The following DPH5 variants were observed in gnomAD, a reference collection of about 807,000 sequenced individuals.
DPH5 encodes diphthamide biosynthesis 5.
In DPH5, 31 loss-of-function variants were observed where a neutral mutation model predicts 31.6. The observed-to-expected ratio is 0.98, with a 90% CI of 0.74 to 1.32. The LOEUF (loss-of-function observed/expected upper bound fraction) is 1.32, where lower values mean the gene tolerates loss of function less well. Ranked by LOEUF, DPH5 falls within the 40% of genes most tolerant of loss-of-function variation. The pLI is 0.00. For missense variants in DPH5, 309 were observed against 335.7 expected (o/e 0.92, Z 0.62); for synonymous variants, 120 against 115.0 (o/e 1.04, Z -0.28).
intron 3 of DPH5, among the ~76,000 whole-genome samples, chr1:101,020,220 A>C (rs911435620): frequency 1.3e-5 from 2 of 151,980 alleles, no homozygotes; most frequent in African/African-American, 4.8e-5. Context: ...CATCTGTTGA[A>C]CCCTATCCAG....
At chr1:101,001,435 T>C (rs752350231) in intron 5 of DPH5, 32 bp downstream of exon 5, 1 of 1,598,672 alleles carries the variant, frequency 6.3e-7, no homozygotes, top group Non-Finnish European at 8.5e-7. Flanking sequence ...TAGTTCCATA[T>C]TGTTACTTCA....
intron 6 of DPH5, 64 bp downstream of exon 6, chr1:100,995,046 T>C: frequency 8.6e-7 from 1 of 1,159,432 alleles, no homozygotes. Flanking sequence ...GTCATTTAAG[T>C]AGAATGTATT....
intron 5 of DPH5, among the ~76,000 whole-genome samples, chr1:100,998,495 T>C (rs1558036006): frequency 3.1e-5 from 4 of 128,464 alleles, no homozygotes; most frequent in Admixed American, 8.8e-5. Flanking sequence ...GATGACAGGG[T>C]AAACCTTATC....
chr1:101,013,535 C>T (rs778396124), intron 4 of DPH5, 175 bp downstream of exon 4: 8 of 421,910 alleles, frequency 1.9e-5, no homozygotes, highest in Non-Finnish European at 3.3e-5. Flanking sequence ...AGGGGGAAAA[C>T]CTAGCATAAA....
chr1:101,004,318 T>C (rs1659069806), intron 4 of DPH5, among the ~76,000 whole-genome samples: 1 of 152,202 alleles, frequency 6.6e-6, no homozygotes, highest in African/African-American at 2.4e-5. Context: ...TGAACTATAC[T>C]AGAGCAAAGT....
chr1:100,993,826 C>G (rs1226228112), intron 6 of DPH5, among the ~76,000 whole-genome samples: 1 of 151,590 alleles, frequency 6.6e-6, no homozygotes, highest in East Asian at 1.9e-4. Context: ...ACTGCAACCT[C>G]TGCCTCCTGG....
rs567802902 is a variant in DPH5 at position 101,010,944 on chromosome 1, A to G, written c.369+2766T>C. Among the ~76,000 whole-genome samples, 67 of 152,360 alleles carry G rather than the reference A, an allele frequency of 4.4e-4. 1 individual carries two copies. In the South Asian group the frequency reaches 0.013, roughly 31 times the overall value. On this transcript the variant is annotated intron_variant, in intron 4 of 7. Transcript: ENST00000370109. ...TATCACCTGAGACTTTGTTACAAAT[A>G]CAAATTCTCAGACCCCATCCCAGAT...
At position 100,990,283 on chromosome 1, in the gene DPH5, C is replaced by A. The variant is rs1223506703; in HGVS notation, c.*125G>T. On this transcript the variant is annotated 3_prime_UTR_variant, in exon 8 of 8. Coordinates refer to ENST00000370109, the MANE Select transcript of DPH5 (RefSeq NM_015958.3). ...GGAAACTGCCCCCATGATTCAATTA[C>A]CTACCACAACACCTGGGAATTATGA... The A allele has an allele frequency of 1.2e-6, 1 of 850,384 alleles. No homozygotes were observed. Among genetic ancestry groups the A allele is most frequent in the African/African-American group, 1.7e-5 (1 of 59,370 alleles). The allele number at this position is 850,384 out of a possible 1,614,324, so 52.7% of individuals were successfully genotyped here.
chr1:100,996,617 A>G (rs1301517024), intron 5 of DPH5, among the ~76,000 whole-genome samples: 1 of 152,168 alleles, frequency 6.6e-6, no homozygotes, highest in African/African-American at 2.4e-5. Flanking sequence ...AATTTACTCA[A>G]GTGACTCTCC....
chr1:101,013,762 C>G lies in DPH5; in HGVS notation c.317G>C (p.Arg106Thr). The G allele has an allele frequency of 6.2e-7, 1 of 1,613,290 alleles. No homozygotes were observed. Among genetic ancestry groups the G allele is most frequent in the Non-Finnish European group, 8.5e-7 (1 of 1,179,570 alleles). ...LRATKLGIPY[R>T]VIHNASIMNA... ...CATTATGGAGGCATTGTGAATAACTCTATAAGGAATTCCCAGCTTTGTTGC... is the reference window on the plus strand; with the variant it reads ...CATTATGGAGGCATTGTGAATAACTGTATAAGGAATTCCCAGCTTTGTTGC... Residue 106 changes from arginine to threonine, a missense_variant, in exon 4 of 8, where the codon AGA (arginine) becomes ACA (threonine). By Grantham distance (71) the Arg-to-Thr change is moderately conservative. Coordinates refer to ENST00000370109, the MANE Select transcript of DPH5 (RefSeq NM_015958.3).
At chr1:100,997,384 GAGA>G (rs778668490) in intron 5 of DPH5, among the ~76,000 whole-genome samples, 19 of 149,860 alleles carry the variant, frequency 1.3e-4, no homozygotes, top group Middle Eastern at 3.4e-3. Flanking sequence ...TTTTGCTTTT[GAGA>G]AGGAGTCTCG....
At chr1:100,993,592 A>ATATATATG (rs1658034070) in intron 6 of DPH5, among the ~76,000 whole-genome samples, 1 of 131,194 alleles carries the variant, frequency 7.6e-6, no homozygotes, top group Non-Finnish European at 1.6e-5. Flanking sequence ...ATATATATAT[A>ATATATATG]TATATAGCTA....
rs772649250 is a variant in DPH5, at chr1:101,025,338, AGGT to A, written c.103_105del (p.Thr35del). ...GCTTCCTTCCCTACAGTTAGGACTG[AGGT>A]GTAGGCTTCCAGATACACTCGACTG... On this transcript the variant is annotated inframe_deletion, in exon 2 of 8. Transcript: ENST00000370109. The A allele has an allele frequency of 6.2e-7, 1 of 1,614,236 alleles. No homozygotes were observed. Among genetic ancestry groups the A allele is most frequent in the South Asian group, 1.1e-5 (1 of 91,088 alleles).
intron 2 of DPH5, chr1:101,023,179 C>T (rs1288505981): frequency 6.6e-6 from 1 of 152,028 alleles, no homozygotes; most frequent in Non-Finnish European, 1.5e-5. Flanking sequence ...GGCAACATAG[C>T]AAGACTCCGT....
intron 2 of DPH5, 182 bp downstream of exon 2, chr1:101,025,127 T>C: frequency 1.4e-6 from 1 of 714,824 alleles, no homozygotes; most frequent in Non-Finnish European, 2.2e-6. Flanking sequence ...ACCCTTTCAT[T>C]TTCCAAGTCA....
intron 3 of DPH5, among the ~76,000 whole-genome samples, chr1:101,019,831 G>GA (rs538108849): frequency 8.9e-5 from 13 of 145,348 alleles, no homozygotes; most frequent in South Asian, 4.4e-4. Flanking sequence ...GTCTAAAATG[G>GA]AAAAAAAAAA....
intron 5 of DPH5, among the ~76,000 whole-genome samples, chr1:101,000,563 A>G (rs1326512836): frequency 6.6e-6 from 1 of 152,222 alleles, no homozygotes; most frequent in African/African-American, 2.4e-5. Context: ...ATAAATATGA[A>G]GGCTAAGGAA....
intron 4 of DPH5, among the ~76,000 whole-genome samples, chr1:101,002,182 AG>A (rs149257220): frequency 0.019 from 2,851 of 152,302 alleles, 34 homozygotes; most frequent in South Asian, 0.043. Context: ...TATAGAGTTC[AG>A]GGATGAGGGC....
At chr1:101,021,817 AACACACAC>A (rs67726104) in intron 2 of DPH5, 52 bp from the exon 3 acceptor site, 37,120 of 732,102 alleles carry the variant, frequency 0.051, 117 homozygotes, top group African/African-American at 0.062. Flanking sequence ...TGACCATTCT[AACACACAC>A]ACACACACAC....
Sources: gnomAD v4.1 joint callset for allele counts (sites outside exome capture counted in the v4.1 genomes callset) on GRCh38, gnomAD v4.1.1 for gene constraint, MANE v1.5 for transcripts, NCBI Gene and HGNC (gene_info 2026-07-23, HGNC 2026-07-21) for gene names.